Variants in SV2B observed in about 807,000 individuals in gnomAD.
SV2B encodes the protein synaptic vesicle glycoprotein 2B.
Under a neutral mutation model 73.9 loss-of-function variants are expected in SV2B, and 41 were observed. That is an observed-to-expected ratio of 0.56 (90% CI 0.43 to 0.72). The LOEUF (loss-of-function observed/expected upper bound fraction) is 0.72, where lower values mean the gene tolerates loss of function less well. SV2B is among the 30% of genes least tolerant of loss of function. The pLI is 0.00. For synonymous variants in SV2B, 314 were observed against 314.2 expected, an observed-to-expected ratio of 1.00 and a Z score of 0.01; for missense variants, 764 against 857.8, an observed-to-expected ratio of 0.89 and a Z score of 1.37.
In SV2B at chr15:91,123,890, T is replaced by C. The variant is rs1384303723; in HGVS notation, c.-392+23527T>C. Among the ~76,000 whole-genome samples the C allele has an allele frequency of 1.3e-5, 2 of 152,190 alleles. No individual in the cohort carries two copies. Among genetic ancestry groups the C allele is most frequent in the Non-Finnish European group, 2.9e-5 (2 of 68,030 alleles). On this transcript the variant is annotated intron_variant, in intron 1 of 12. Coordinates refer to ENST00000394232, the MANE Select transcript of SV2B (RefSeq NM_001323032.3). This position sits in a 1 kb window ranked among gnomAD's most constrained non-coding sequence, Gnocchi z 4.7. Reference sequence around the variant, plus strand: ...GACCCTGGGCTCTAAGCACACTTGGTCTGTGTCCCAGGCATATCTATAAAT... The same window carrying C: ...GACCCTGGGCTCTAAGCACACTTGGCCTGTGTCCCAGGCATATCTATAAAT...
rs769596186 is a variant in SV2B, at chr15:91,226,471, A to C, written c.208A>C (p.Arg70=). 2 of 1,614,196 alleles carry C rather than the reference A, an allele frequency of 1.2e-6. No individual in the cohort carries two copies. Among genetic ancestry groups the C allele is most frequent in the Non-Finnish European group, 1.7e-6 (2 of 1,180,036 alleles). ...KAKQAKMAPS[R]MDSLRGQTDL... ...CAAGCAGGCCAAGATGGCGCCCTCC[A>C]GAATGGACAGCCTTCGGGGCCAGAC... The change falls in exon 2 of 13, where the codon AGA becomes CGA. Residue 70 remains arginine (R), a synonymous_variant. Transcript: ENST00000394232.
At position 91,258,909 on chromosome 15, in the gene SV2B, A is replaced by C. The variant is rs1203037664; in HGVS notation, c.918+355A>C. 1.4e-5 allele frequency among the ~76,000 whole-genome samples: 2 copies of C among 144,996 alleles called. No individual in the cohort carries two copies. The highest frequency in any genetic ancestry group is 5.3e-5 in the African/African-American group (2 of 37,642). On this transcript the variant is annotated intron_variant, in intron 5 of 12. Coordinates refer to ENST00000394232, the MANE Select transcript of SV2B (RefSeq NM_001323032.3). This position sits in a 1 kb window ranked among gnomAD's most constrained non-coding sequence, Gnocchi z 4.7. ...GTTTTTTAGCCTGGGCTACACAGGG[A>C]GACCTCATCTCTACAAAAAAAAAAA...
At chr15:91,264,031 C>T (rs2048018158) in intron 6 of SV2B, among the ~76,000 whole-genome samples, 1 of 152,268 alleles carries the variant, frequency 6.6e-6, no homozygotes, top group African/African-American at 2.4e-5. Context: ...AGGAGCAGTC[C>T]TGCTGGATAA....
At position 91,296,689 on chromosome 15, in the gene SV2B, GCACACTCCTTCTGCCTGATCATGGGCA is replaced by G. The variant is rs2049244947; in HGVS notation, c.*4141_*4167del. On this transcript the variant is annotated 3_prime_UTR_variant, in exon 13 of 13. Coordinates refer to ENST00000394232, the MANE Select transcript of SV2B (RefSeq NM_001323032.3). ...CACCCCTTCTGCCTGATCATTGGGA[GCACACTCCTTCTGCCTGATCATGGGCA>G]CACGCTCCTTCTGCCCGATCATGGG... is the stretch of plus-strand genomic sequence containing the variant. 14 of 148,492 alleles carry G rather than the reference GCACACTCCTTCTGCCTGATCATGGGCA, an allele frequency of 9.4e-5. No individual in the cohort carries two copies. In the Admixed American group the frequency reaches 9.5e-4, roughly 10 times the overall value. The allele number at this position is 148,492 out of a possible 1,614,324, so 9.2% of individuals were successfully genotyped here. A position where few individuals can be genotyped will look rare whatever the true frequency, so the allele number is the denominator to read the frequency against.
At chr15:91,154,621 G>C (rs2043426391) in intron 1 of SV2B, among the ~76,000 whole-genome samples, 1 of 152,078 alleles carries the variant, frequency 6.6e-6, no homozygotes, top group South Asian at 2.1e-4. Context: ...TAGTGGATTA[G>C]AGTGGGCCCT....
At chr15:91,167,464 C>G (rs1024020843) in intron 1 of SV2B, among the ~76,000 whole-genome samples, 4 of 152,168 alleles carry the variant, frequency 2.6e-5, no homozygotes, top group African/African-American at 9.7e-5. Flanking sequence ...AGAGAGAATA[C>G]ATTTCTTGTC....
chr15:91,174,502 T>G (rs2141289784), intron 1 of SV2B, among the ~76,000 whole-genome samples: 1 of 152,244 alleles, frequency 6.6e-6, no homozygotes, highest in African/African-American at 2.4e-5. Context: ...AGGCTTAATT[T>G]AAAACAAGCA....
Position 91,252,510 on chromosome 15 carries a change from C to T in SV2B, c.774C>T (p.Ile258=), listed in dbSNP as rs374638558. The T allele has an allele frequency of 3.7e-5, 59 of 1,609,142 alleles. No homozygotes were observed. The highest frequency in any genetic ancestry group is 4.8e-5 in the Non-Finnish European group (57 of 1,177,622). Residue 258 remains isoleucine (I), a synonymous_variant, in exon 4 of 13, where the codon ATC becomes ATT. Coordinates refer to ENST00000394232, the MANE Select transcript of SV2B (RefSeq NM_001323032.3). The surrounding 1 kb of genome is among the most constrained non-coding windows in gnomAD (Gnocchi z 4.6). ...LYASAMAWSI[I]PHYGWGFSMG... ...CATCTGCCATGGCCTGGAGCATCATCCCACACTATGGTGAGTCATGGCTCC... is the reference window on the plus strand; with the variant it reads ...CATCTGCCATGGCCTGGAGCATCATTCCACACTATGGTGAGTCATGGCTCC...
chr15:91,225,291 A>C (rs952535533), intron 1 of SV2B, among the ~76,000 whole-genome samples: 3 of 148,724 alleles, frequency 2.0e-5, no homozygotes, highest in Non-Finnish European at 4.4e-5. Context: ...GCTGGGATTC[A>C]AGAAAAATGT....
In SV2B at chr15:91,294,198, G is replaced by A. The variant is rs1422391162; in HGVS notation, c.*1646G>A. ...AACAGAATAATAATGGCTATATCGAGTGTTTTCTCAGTATTGGAGAAATGC... is the reference window on the plus strand; with the variant it reads ...AACAGAATAATAATGGCTATATCGAATGTTTTCTCAGTATTGGAGAAATGC... On this transcript the variant is annotated 3_prime_UTR_variant, in exon 13 of 13. Transcript: ENST00000394232. This position sits in a 1 kb window ranked among gnomAD's most constrained non-coding sequence, Gnocchi z 4.1. The A allele has an allele frequency of 6.6e-6, 1 of 152,212 alleles. No homozygotes were observed. The highest frequency in any genetic ancestry group is 1.5e-5 in the Non-Finnish European group (1 of 68,036). 9.4% of individuals were successfully genotyped at this position (152,212 alleles called of 1,614,324 possible). A position where few individuals can be genotyped will look rare whatever the true frequency, so the allele number is the denominator to read the frequency against.
At chr15:91,244,498 C>G (rs933500654) in intron 2 of SV2B, among the ~76,000 whole-genome samples, 1 of 152,184 alleles carries the variant, frequency 6.6e-6, no homozygotes, top group South Asian at 2.1e-4. Flanking sequence ...CAAACCTTTT[C>G]GACCCAAAAG....
chr15:91,228,111 C>A (rs373514665), intron 2 of SV2B, among the ~76,000 whole-genome samples: 41 of 152,222 alleles, frequency 2.7e-4, no homozygotes, highest in Admixed American at 1.3e-3. Context: ...AAATAAAGAA[C>A]CTCTGCATAA....
intron 1 of SV2B, among the ~76,000 whole-genome samples, chr15:91,204,556 C>T (rs111436906): frequency 1.3e-3 from 161 of 127,812 alleles, no homozygotes; most frequent in African/African-American, 4.2e-3. Context: ...TCTTCTTCTT[C>T]TTTTTTTTTT....
At chr15:91,150,196 G>A (rs567416332) in intron 1 of SV2B, among the ~76,000 whole-genome samples, 3 of 152,098 alleles carry the variant, frequency 2.0e-5, no homozygotes, top group South Asian at 2.1e-4. Context: ...TAGAAGAGAT[G>A]GTGTTTTGCC....
At chr15:91,207,185 C>CTTTTTTTT (rs1228201080) in intron 1 of SV2B, among the ~76,000 whole-genome samples, 1 of 126,912 alleles carries the variant, frequency 7.9e-6, no homozygotes, top group East Asian at 2.3e-4. Flanking sequence ...TTATGCCTGG[C>CTTTTTTTT]TTTTTTTTTT....
chr15:91,288,122 C>T lies in SV2B; in HGVS notation c.1709-1399C>T, dbSNP rs571628904. 6.6e-6 allele frequency among the ~76,000 whole-genome samples: 1 copy of T among 152,082 alleles called. No individual in the cohort carries two copies. The highest frequency in any genetic ancestry group is 1.5e-5 in the Non-Finnish European group (1 of 68,012). On this transcript the variant is annotated intron_variant, in intron 11 of 12. Transcript: ENST00000394232. The surrounding 1 kb of genome is among the most constrained non-coding windows in gnomAD (Gnocchi z 5.8). ...GAGGATAGCGCAGGGCTGAGAAGGG[C>T]AAGTCAGATCTCTGGGGTGGGGATT...
intron 1 of SV2B, among the ~76,000 whole-genome samples, chr15:91,202,680 G>C (rs910883919): frequency 6.6e-6 from 1 of 152,200 alleles, no homozygotes; most frequent in African/African-American, 2.4e-5. Flanking sequence ...ATCAACACCT[G>C]TGTGTGGGGG....
intron 1 of SV2B, among the ~76,000 whole-genome samples, chr15:91,169,298 C>G (rs2141274726): frequency 6.6e-6 from 1 of 152,224 alleles, no homozygotes; most frequent in South Asian, 2.1e-4. Context: ...ATAATGTCTT[C>G]TTTAAGAACC....
chr15:91,221,696 C>CACACACACAT, intron 1 of SV2B, among the ~76,000 whole-genome samples: 1 of 141,896 alleles, frequency 7.0e-6, no homozygotes, highest in African/African-American at 2.5e-5. Flanking sequence ...CATGTGCGCA[C>CACACACACAT]ACACACACAC....
Sources: allele counts gnomAD v4.1 joint callset (sites outside exome capture counted in the v4.1 genomes callset), GRCh38; gene constraint gnomAD v4.1.1; non-coding constraint Gnocchi (gnomAD v3.1); transcripts MANE v1.5; gene names NCBI Gene and HGNC (gene_info 2026-07-23, HGNC 2026-07-21).